MYH7B: variants seen among roughly 807,000 people sequenced by gnomAD.
MYH7B encodes the protein myosin heavy chain 7B.
MYH7B carries 205 observed loss-of-function variants against 234.5 expected under a neutral mutation model. The ratio of observed to expected loss-of-function variants is 0.87; its 90% CI spans 0.78 to 0.98. The LOEUF (loss-of-function observed/expected upper bound fraction) is 0.98, where lower values mean the gene tolerates loss of function less well. MYH7B is among the 50% of genes least tolerant of loss of function. The pLI is 0.00. For synonymous variants in MYH7B, 1,193 were observed against 1,105.0 expected, an observed-to-expected ratio of 1.08 and a Z score of -1.58; for missense variants, 2,652 against 2,633.4, an observed-to-expected ratio of 1.01 and a Z score of -0.15.
At chr20:34,957,481 ACT>A (rs2081651045) in intron 1 of MYH7B, among the ~76,000 whole-genome samples, 4 of 100,360 alleles carry the variant, frequency 4.0e-5, no homozygotes, top group South Asian at 3.8e-4. Context: ...GATCCTTTTG[ACT>A]CTTTTTTTTT....
chr20:34,990,289 G>C (rs1358817121), exon 22 of MYH7B: 1 of 1,614,186 alleles, frequency 6.2e-7, no homozygotes. Context: ...CATCGTTCCA[G>C]ACGGTGTCCC....
chr20:34,986,024 C>A, intron 13 of MYH7B, 76 bp from the exon 14 acceptor site: 2 of 1,280,506 alleles, frequency 1.6e-6, no homozygotes, highest in Admixed American at 4.0e-5. Flanking sequence ...CCACCTCTCT[C>A]CCTCCGCATC....
At chr20:34,990,188 A>C in intron 21 of MYH7B, 42 bp downstream of exon 21, 2 of 1,614,134 alleles carry the variant, frequency 1.2e-6, no homozygotes, top group Non-Finnish European at 1.7e-6. Flanking sequence ...ACAGGGGCCC[A>C]CAGAGCGACA....
chr20:34,999,825 G>C, exon 38 of MYH7B: 2 of 1,610,896 alleles, frequency 1.2e-6, no homozygotes, highest in Non-Finnish European at 1.7e-6. Context: ...AAGACGCTGC[G>C]GATCCAGCTG....
Position 35,001,505 on chromosome 20 carries a change from C to A in MYH7B, c.5655C>A (p.Tyr1885Ter). Reference sequence around the variant, plus strand: ...AGCTGCAGAGCAAGGTCAAGAGCTACAAGCGCCAGTTTGAGGAGGCGGTGA... The same window carrying A: ...AGCTGCAGAGCAAGGTCAAGAGCTAAAAGCGCCAGTTTGAGGAGGCGGTGA... The change falls in exon 43 of 45, where the codon TAC becomes TAA. Residue 1885 changes from tyrosine (Y) to a stop codon, truncating the protein, a stop_gained. Coordinates refer to ENST00000262873, the Ensembl canonical transcript of MYH7B. LOFTEE classifies it high-confidence loss of function. 6.2e-7 allele frequency: 1 copy of A among 1,609,532 alleles called. No individual in the cohort carries two copies. Among genetic ancestry groups the A allele is most frequent in the East Asian group, 2.2e-5 (1 of 44,628 alleles).
intron 22 of MYH7B, 168 bp downstream of exon 22, chr20:34,990,478 C>G: frequency 1.1e-6 from 1 of 925,020 alleles, no homozygotes; most frequent in Admixed American, 1.7e-5. Flanking sequence ...CTTCCCGTCC[C>G]TACGCTGCCT....
At chr20:34,962,971 A>G (rs2378262) in intron 2 of MYH7B, among the ~76,000 whole-genome samples, 96,175 of 152,118 alleles carry the variant, frequency 0.63, 31,418 homozygotes, top group African/African-American at 0.79. Context: ...GGTGGCGCAC[A>G]CCTGTAGTCC....
chr20:34,987,480 G>A, intron 16 of MYH7B, 77 bp from the exon 17 acceptor site: 2 of 1,445,318 alleles, frequency 1.4e-6, no homozygotes. Context: ...CCCTCTCCTA[G>A]CCCCAGGCTG....
Position 34,997,221 on chromosome 20 carries a change from G to A in MYH7B, c.3358-30G>A, listed in dbSNP as rs180828538. Reference sequence around the variant, plus strand: ...AGGCCTGGGGTCAGAGGCCCACAGAGGTGACAGCTGCCCCACGTGCCCACC... The same window carrying A: ...AGGCCTGGGGTCAGAGGCCCACAGAAGTGACAGCTGCCCCACGTGCCCACC... On this transcript the variant is annotated intron_variant, in intron 31 of 44. Coordinates refer to ENST00000262873, the Ensembl canonical transcript of MYH7B. 1.6e-4 allele frequency: 251 copies of A among 1,555,058 alleles called. 1 individual carries two copies. In the African/African-American group the frequency reaches 2.8e-3, roughly 17 times the overall value.
At chr20:34,984,263 G>A (rs191744517) in intron 10 of MYH7B, among the ~76,000 whole-genome samples, 37 of 152,346 alleles carry the variant, frequency 2.4e-4, no homozygotes, top group African/African-American at 8.9e-4. Flanking sequence ...GGGAGGTTAG[G>A]GCAGGAAGGT....
chr20:34,989,308 T>C (rs2082095470), intron 19 of MYH7B, among the ~76,000 whole-genome samples: 1 of 152,226 alleles, frequency 6.6e-6, no homozygotes, highest in Admixed American at 6.5e-5. Context: ...AAGACATTCA[T>C]CTTCCCACTC....
At chr20:34,975,314 C>T (rs1275174080) in intron 2 of MYH7B, 86 bp from the exon 3 acceptor site, 2 of 497,948 alleles carry the variant, frequency 4.0e-6, no homozygotes, top group Non-Finnish European at 7.2e-6. Context: ...AAGCGGTCCT[C>T]CCACCTCAGC....
chr20:34,965,243 C>G (rs546108256), intron 2 of MYH7B, among the ~76,000 whole-genome samples: 2 of 152,202 alleles, frequency 1.3e-5, no homozygotes, highest in African/African-American at 4.8e-5. Context: ...CAGAGCAACT[C>G]TGAGGGTTTG....
At chr20:34,988,370 G>T in intron 19 of MYH7B, 108 bp downstream of exon 19, 1 of 1,261,148 alleles carries the variant, frequency 7.9e-7, no homozygotes. Context: ...GCATGGAAGC[G>T]TGTGACTGTG....
Position 34,989,834 on chromosome 20 carries a change from G to A in MYH7B, c.1682G>A (p.Gly561Glu). 1 of 1,614,176 alleles carries A rather than the reference G, an allele frequency of 6.2e-7. No homozygotes were observed. Among genetic ancestry groups the A allele is most frequent in the Admixed American group, 1.7e-5 (1 of 60,028 alleles). ...GCCAAGCTCTACGACAACCACGCGG[G>A]GAAGTCACCCAATTTCCAGCAGCCT... The change falls in exon 20 of 45, where the codon GGG becomes GAG. Residue 561 changes from glycine (G) to glutamate (E), a missense_variant. Physicochemically the swap from Gly to Glu is moderately conservative, Grantham distance 98. Transcript: ENST00000262873.
rs765705226 is a variant in MYH7B at position 34,998,493 on chromosome 20, T to TCGCCTCTTTGCC, written c.3875-17_3875-6dup. 1.3e-4 allele frequency: 213 copies of TCGCCTCTTTGCC among 1,613,214 alleles called. No individual in the cohort carries two copies. Among genetic ancestry groups the TCGCCTCTTTGCC allele is most frequent in the Non-Finnish European group, 1.7e-4 (201 of 1,179,978 alleles). On this transcript the variant is annotated splice_polypyrimidine_tract_variant and intron_variant, in intron 33 of 44. Transcript: ENST00000262873. ...GCCCTCACCAGCCTGACCTGTCCGCTCGCCTCTTTGCCTGCAGGGGAGCTG... is the reference window on the plus strand; with the variant it reads ...GCCCTCACCAGCCTGACCTGTCCGCTCGCCTCTTTGCCCGCCTCTTTGCCTGCAGGGGAGCTG...
chr20:34,996,018 C>T (rs1282639003), intron 28 of MYH7B, among the ~76,000 whole-genome samples: 1 of 152,188 alleles, frequency 6.6e-6, no homozygotes, highest in African/African-American at 2.4e-5. Flanking sequence ...GGGTAGGCAG[C>T]TTAGGTTCTC....
exon 39 of MYH7B, chr20:35,000,426 G>A (rs2082347500): frequency 2.5e-6 from 4 of 1,601,522 alleles, no homozygotes; most frequent in Non-Finnish European, 3.4e-6. Context: ...GCTGGGCCAT[G>A]CCACCCGTCA....
At chr20:34,978,159 G>A (rs2081887605) in intron 5 of MYH7B, 63 bp downstream of exon 5, 2 of 1,590,712 alleles carry the variant, frequency 1.3e-6, no homozygotes, top group African/African-American at 2.7e-5. Context: ...CTCAGACCAG[G>A]AATTGGGAGG....
Sources: allele counts gnomAD v4.1 joint callset (sites outside exome capture counted in the v4.1 genomes callset), GRCh38; gene constraint gnomAD v4.1.1; transcripts MANE v1.5; gene names NCBI Gene and HGNC (gene_info 2026-07-23, HGNC 2026-07-21).